The following PARM1 variants were observed in gnomAD, a reference collection of about 807,000 sequenced individuals.
PARM1 encodes prostate androgen-regulated mucin-like protein 1.
A neutral mutation model predicts 24.6 loss-of-function variants in PARM1; 14 were observed. The observed-to-expected ratio is 0.57, with a 90% CI of 0.38 to 0.89. The LOEUF (loss-of-function observed/expected upper bound fraction) is 0.89, where lower values mean the gene tolerates loss of function less well. Among genes scored for constraint, PARM1 ranks in the 40% least tolerant of loss-of-function variants. The probability of loss-of-function intolerance (pLI) is 0.00; values close to 1 mark genes in which losing one functional copy is unlikely to be tolerated. For missense variants in PARM1, 362 were observed against 380.4 expected (o/e 0.95, Z 0.40); for synonymous variants, 179 against 156.6 (o/e 1.14, Z -1.07).
intron 1 of PARM1, chr4:74,965,467 T>A (rs1230891849): frequency 6.6e-6 from 1 of 152,136 alleles, no homozygotes; most frequent in Non-Finnish European, 1.5e-5. Context: ...TAGAGGGGAT[T>A]TTCATTAACT....
At chr4:74,951,985 T>C (rs1385474783) in intron 1 of PARM1, among the ~76,000 whole-genome samples, 1 of 152,252 alleles carries the variant, frequency 6.6e-6, no homozygotes, top group Non-Finnish European at 1.5e-5. Context: ...ATGGTATTTC[T>C]GGATCTAGAT....
In PARM1 at chr4:75,017,676, CAG is replaced by C. The variant is rs199753319; in HGVS notation, c.769+4527_769+4528del. 4.7e-3 allele frequency among the ~76,000 whole-genome samples: 721 copies of C among 152,306 alleles called. 1 individual carries two copies. Among genetic ancestry groups the C allele is most frequent in the Non-Finnish European group, 7.1e-3 (485 of 68,030 alleles). On this transcript the variant is annotated intron_variant, in intron 2 of 3. Transcript: ENST00000307428. ...TCTGTTTTCTGCCACTAGACAGAGTCAGTGTCTGTTTTCATGCCACCATGAAA... is the reference window on the plus strand; with the variant it reads ...TCTGTTTTCTGCCACTAGACAGAGTCTGTCTGTTTTCATGCCACCATGAAA...
chr4:75,036,483 G>T (rs1411939139), intron 3 of PARM1, among the ~76,000 whole-genome samples: 6 of 152,146 alleles, frequency 3.9e-5, no homozygotes. Flanking sequence ...TTTCTACCTT[G>T]TAGTGTTGTT....
At chr4:74,970,138 A>C (rs772145882) in intron 1 of PARM1, 1 of 152,264 alleles carries the variant, frequency 6.6e-6, no homozygotes, top group Non-Finnish European at 1.5e-5. Flanking sequence ...GCTTATCTTC[A>C]TATGAAGAAT....
intron 1 of PARM1, among the ~76,000 whole-genome samples, chr4:74,934,138 A>T (rs1033169204): frequency 6.6e-6 from 1 of 151,910 alleles, no homozygotes; most frequent in Admixed American, 6.6e-5. Flanking sequence ...GGCAGCGGGG[A>T]TGGGGAAGAG....
intron 1 of PARM1, among the ~76,000 whole-genome samples, chr4:74,976,978 T>C (rs1028153021): frequency 5.3e-5 from 8 of 151,848 alleles, no homozygotes; most frequent in African/African-American, 1.9e-4. Flanking sequence ...AGATCGAAGG[T>C]AGATAAACCC....
intron 3 of PARM1, among the ~76,000 whole-genome samples, chr4:75,039,851 T>A (rs1040182303): frequency 6.6e-6 from 1 of 152,224 alleles, no homozygotes; most frequent in Non-Finnish European, 1.5e-5. Context: ...AACATGCTGA[T>A]CCCTCTGTGA....
intron 1 of PARM1, among the ~76,000 whole-genome samples, chr4:74,991,701 G>C (rs1722474400): frequency 6.6e-6 from 1 of 152,104 alleles, no homozygotes; most frequent in Admixed American, 6.6e-5. Context: ...GTAATACATG[G>C]GGCATTAGGT....
intron 1 of PARM1, among the ~76,000 whole-genome samples, chr4:75,003,453 T>G (rs1722717958): frequency 6.6e-6 from 1 of 152,194 alleles, no homozygotes; most frequent in Non-Finnish European, 1.5e-5. Flanking sequence ...ATTTTATGGA[T>G]GGAGAAATTG....
chr4:74,939,777 A>G (rs1721266706), intron 1 of PARM1, among the ~76,000 whole-genome samples: 1 of 152,196 alleles, frequency 6.6e-6, no homozygotes, highest in African/African-American at 2.4e-5. Flanking sequence ...TTTTATACCT[A>G]AGGCAAAAAA....
At chr4:75,019,959 C>T (rs573030518) in intron 2 of PARM1, among the ~76,000 whole-genome samples, 70 of 141,224 alleles carry the variant, frequency 5.0e-4, no homozygotes, top group African/African-American at 1.4e-3. Context: ...GCCGAGATTG[C>T]GCCACTGCAG....
In PARM1 at chr4:74,999,351, A is replaced by G. The variant is rs1169173966; in HGVS notation, c.44-13074A>G. On this transcript the variant is annotated intron_variant, in intron 1 of 3. Coordinates refer to ENST00000307428, the MANE Select transcript of PARM1 (RefSeq NM_015393.4). ...TACTTACCAGTCCTTTCCTTTCAGC[A>G]TGCTTGACAAAACAGACCATCTGTG... 2.6e-5 allele frequency among the ~76,000 whole-genome samples: 4 copies of G among 152,226 alleles called. No homozygotes were observed. In the East Asian group the frequency reaches 7.7e-4, roughly 29 times the overall value.
At chr4:74,985,443 G>C (rs1010017673) in intron 1 of PARM1, among the ~76,000 whole-genome samples, 1 of 152,316 alleles carries the variant, frequency 6.6e-6, no homozygotes, top group Middle Eastern at 3.4e-3. Context: ...CCAACAGTGG[G>C]TGGTCCATTT....
chr4:75,036,847 G>A (rs780876143), intron 3 of PARM1, among the ~76,000 whole-genome samples: 5 of 152,026 alleles, frequency 3.3e-5, no homozygotes, highest in Non-Finnish European at 7.4e-5. Context: ...ATATACAGTG[G>A]CATAAATATA....
At chr4:74,994,222 C>T (rs1722531268) in intron 1 of PARM1, 1 of 152,038 alleles carries the variant, frequency 6.6e-6, no homozygotes, top group African/African-American at 2.4e-5. Context: ...GAGACAAATT[C>T]CTAAAAATCA....
chr4:74,972,720 T>C (rs1722062557), intron 1 of PARM1, among the ~76,000 whole-genome samples: 1 of 152,222 alleles, frequency 6.6e-6, no homozygotes, highest in South Asian at 2.1e-4. Flanking sequence ...CAGCAGAAAG[T>C]AACATAAGCT....
chr4:74,989,760 A>G (rs1722428124), intron 1 of PARM1, among the ~76,000 whole-genome samples: 1 of 152,118 alleles, frequency 6.6e-6, no homozygotes, highest in Admixed American at 6.6e-5. Flanking sequence ...TGCTATCTAG[A>G]GTTGCCAGCC....
intron 3 of PARM1, among the ~76,000 whole-genome samples, chr4:75,041,543 G>A (rs568557655): frequency 6.6e-6 from 1 of 152,268 alleles, no homozygotes; most frequent in East Asian, 1.9e-4. Flanking sequence ...CCCTTGTAAA[G>A]GACAAGGTAT....
chr4:74,965,878 G>C (rs999905466), intron 1 of PARM1, among the ~76,000 whole-genome samples: 5 of 152,138 alleles, frequency 3.3e-5, no homozygotes, highest in African/African-American at 1.2e-4. Context: ...CCAACTGAAT[G>C]CAATGGAGTA....
Sources: allele counts gnomAD v4.1 joint callset (sites outside exome capture counted in the v4.1 genomes callset), GRCh38; gene constraint gnomAD v4.1.1; transcripts MANE v1.5; gene names NCBI Gene and HGNC (gene_info 2026-07-23, HGNC 2026-07-21).